UNC5D: variants seen among roughly 807,000 people sequenced by gnomAD.
UNC5D encodes the protein unc-5 netrin receptor D.
A neutral mutation model predicts 105.4 loss-of-function variants in UNC5D; 39 were observed. The ratio of observed to expected loss-of-function variants is 0.37; its 90% CI spans 0.29 to 0.48. UNC5D has a LOEUF of 0.48. UNC5D is among the 20% of genes least tolerant of loss of function. UNC5D has a pLI of 0.98. For missense variants in UNC5D, 991 were observed against 1,202.4 expected (o/e 0.82, Z 2.60); for synonymous variants, 452 against 450.4 (o/e 1.00, Z -0.04).
intron 1 of UNC5D, among the ~76,000 whole-genome samples, chr8:35,280,790 C>T (rs1806095304): frequency 2.0e-5 from 3 of 152,124 alleles, no homozygotes; most frequent in Non-Finnish European, 2.9e-5. Context: ...TTTCAGTGGA[C>T]TTCTCTATCA....
At chr8:35,447,498 A>G (rs1457958500) in intron 1 of UNC5D, among the ~76,000 whole-genome samples, 1 of 152,062 alleles carries the variant, frequency 6.6e-6, no homozygotes, top group Non-Finnish European at 1.5e-5. Context: ...ACTGACATGC[A>G]TTACCTTTTT....
chr8:35,678,845 CTCTT>C (rs1267647486), intron 4 of UNC5D, among the ~76,000 whole-genome samples: 2 of 151,750 alleles, frequency 1.3e-5, no homozygotes, highest in Non-Finnish European at 2.9e-5. Flanking sequence ...CTTTCTTTCT[CTCTT>C]TCTTCTATCA....
At chr8:35,552,196 G>A (rs1276355362) in intron 2 of UNC5D, among the ~76,000 whole-genome samples, 6 of 151,926 alleles carry the variant, frequency 3.9e-5, no homozygotes, top group Non-Finnish European at 8.8e-5. Flanking sequence ...GTAAGAACTG[G>A]GAGAGAGAGA....
At chr8:35,483,109 T>C (rs938595557) in intron 1 of UNC5D, among the ~76,000 whole-genome samples, 1 of 152,086 alleles carries the variant, frequency 6.6e-6, no homozygotes, top group African/African-American at 2.4e-5. Context: ...GGCCCCATTT[T>C]TTTTTTAAGA....
At chr8:35,305,395 A>C (rs1808258510) in intron 1 of UNC5D, among the ~76,000 whole-genome samples, 1 of 150,586 alleles carries the variant, frequency 6.6e-6, no homozygotes, top group African/African-American at 2.5e-5. Flanking sequence ...TTCAAAAAAC[A>C]GAGAGACCAT....
At chr8:35,674,946 C>G (rs1460972473) in intron 4 of UNC5D, among the ~76,000 whole-genome samples, 1 of 152,188 alleles carries the variant, frequency 6.6e-6, no homozygotes, top group Non-Finnish European at 1.5e-5. Context: ...AGCCTTCCAG[C>G]TTTTCCCTGG....
At chr8:35,549,966 T>TC (rs1044054935) in intron 2 of UNC5D, among the ~76,000 whole-genome samples, 3 of 151,136 alleles carry the variant, frequency 2.0e-5, no homozygotes, top group Non-Finnish European at 4.4e-5. Flanking sequence ...TTTTTTTTTT[T>TC]TTTTGACTAT....
Position 35,726,351 on chromosome 8 carries a change from C to A in UNC5D, c.1503C>A (p.Tyr501Ter). 1 of 1,614,102 alleles carries A rather than the reference C, an allele frequency of 6.2e-7. No individual in the cohort carries two copies. Among genetic ancestry groups the A allele is most frequent in the Non-Finnish European group, 8.5e-7 (1 of 1,180,006 alleles). ...VSLGVSERAE[Y>*]HGKNHSRTFP... is the part of the protein sequence containing the mutation. Reference sequence around the variant, plus strand: ...TGGGAGTGTCTGAGAGAGCTGAGTACCACGGCAAGAATCATTCCAGGACTT... The same window carrying A: ...TGGGAGTGTCTGAGAGAGCTGAGTAACACGGCAAGAATCATTCCAGGACTT... Residue 501 changes from tyrosine to a stop codon, truncating the protein, a stop_gained, in exon 10 of 17, where the codon TAC becomes TAA. Coordinates refer to ENST00000404895, the MANE Select transcript of UNC5D (RefSeq NM_080872.4). LOFTEE classifies it high-confidence loss of function.
chr8:35,619,932 A>G (rs926500314), intron 4 of UNC5D, among the ~76,000 whole-genome samples: 1 of 152,118 alleles, frequency 6.6e-6, no homozygotes, highest in Non-Finnish European at 1.5e-5. Flanking sequence ...TTCCTGATGT[A>G]GAGCAGTGTG....
At chr8:35,772,362 TATCA>T (rs1242822437) in intron 15 of UNC5D, among the ~76,000 whole-genome samples, 1 of 152,226 alleles carries the variant, frequency 6.6e-6, no homozygotes, top group African/African-American at 2.4e-5. Context: ...GAAATTTCTG[TATCA>T]ATCAGTTTTC....
chr8:35,442,179 A>G (rs1220731206), intron 1 of UNC5D, among the ~76,000 whole-genome samples: 1 of 151,920 alleles, frequency 6.6e-6, no homozygotes, highest in African/African-American at 2.4e-5. Flanking sequence ...TTGTTTTTTA[A>G]TAGCAGGGAC....
chr8:35,387,400 C>T (rs1803481519), intron 1 of UNC5D, among the ~76,000 whole-genome samples: 1 of 150,690 alleles, frequency 6.6e-6, no homozygotes, highest in Admixed American at 6.6e-5. Flanking sequence ...CTCAGGCCCT[C>T]TGCGTCCATC....
At chr8:35,569,965 T>C (rs1817610429) in intron 3 of UNC5D, among the ~76,000 whole-genome samples, 1 of 152,140 alleles carries the variant, frequency 6.6e-6, no homozygotes, top group Non-Finnish European at 1.5e-5. Context: ...TTCTCCCTGA[T>C]CTCTGCACAT....
At chr8:35,271,688 C>CCTATATTTATACAGGTATACATATAT (rs1563268023) in intron 1 of UNC5D, among the ~76,000 whole-genome samples, 2 of 9,388 alleles carry the variant, frequency 2.1e-4, no homozygotes, top group South Asian at 0.011. Context: ...TATATGTATA[C>CCTATATTTATACAGGTATACATATAT]ATGTATACAT....
intron 3 of UNC5D, among the ~76,000 whole-genome samples, chr8:35,582,204 A>G (rs1163528035): frequency 2.6e-5 from 4 of 152,074 alleles, no homozygotes; most frequent in African/African-American, 9.7e-5. Context: ...GCTTCCAGTC[A>G]CCAGTCATTG....
intron 4 of UNC5D, among the ~76,000 whole-genome samples, chr8:35,672,260 ATAAT>A (rs1397531742): frequency 4.6e-5 from 7 of 152,334 alleles, no homozygotes; most frequent in East Asian, 1.9e-4. Context: ...AAATGAAAAC[ATAAT>A]TAATATTCTC....
chr8:35,534,100 A>G (rs1814647457), intron 1 of UNC5D, among the ~76,000 whole-genome samples: 3 of 152,170 alleles, frequency 2.0e-5, no homozygotes, highest in South Asian at 2.1e-4. Context: ...TATAGTTGAT[A>G]TCATATATCA....
intron 11 of UNC5D, among the ~76,000 whole-genome samples, chr8:35,734,823 C>A (rs1254240540): frequency 7.0e-6 from 1 of 142,760 alleles, no homozygotes; most frequent in Non-Finnish European, 1.5e-5. Flanking sequence ...CGCTCTGTTG[C>A]TCAGGTTGGA....
chr8:35,282,710 C>CAAAAAAAAA (rs200599461), intron 1 of UNC5D, among the ~76,000 whole-genome samples: 1 of 135,944 alleles, frequency 7.4e-6, no homozygotes, highest in Non-Finnish European at 1.6e-5. Context: ...TATTAAAAGA[C>CAAAAAAAAA]AAAAAAAAAA....
Sources: allele counts gnomAD v4.1 joint callset (sites outside exome capture counted in the v4.1 genomes callset), GRCh38; gene constraint gnomAD v4.1.1; transcripts MANE v1.5; gene names NCBI Gene and HGNC (gene_info 2026-07-23, HGNC 2026-07-21).